Variants in PSD3 observed in about 807,000 individuals in gnomAD.
PSD3 encodes PH and SEC7 domain-containing protein 3.
A neutral mutation model predicts 105.5 loss-of-function variants in PSD3; 49 were observed. The observed-to-expected ratio is 0.46, with a 90% CI of 0.37 to 0.59. The LOEUF is 0.59. PSD3 is among the 20% of genes least tolerant of loss of function. The pLI, the probability that PSD3 is intolerant of heterozygous loss-of-function variation, is 0.00. For synonymous variants in PSD3, 557 were observed against 457.8 expected, an observed-to-expected ratio of 1.22 and a Z score of -2.77; for missense variants, 1,561 against 1,263.8, an observed-to-expected ratio of 1.24 and a Z score of -3.57.
At chr8:18,804,973 T>A in intron 4 of PSD3, 75 bp from the exon 5 acceptor site, 1 of 1,248,422 alleles carries the variant, frequency 8.0e-7, no homozygotes, top group South Asian at 1.5e-5. Context: ...GATGAAATAT[T>A]GATAGTTTTC....
At chr8:18,808,976 A>G (rs1811445133) in intron 4 of PSD3, 1 of 1,379,504 alleles carries the variant, frequency 7.2e-7, no homozygotes, top group East Asian at 2.7e-5. Flanking sequence ...ATGTTTCTGC[A>G]GTTCTAATAA....
chr8:18,703,140 T>C (rs988268050), intron 9 of PSD3, among the ~76,000 whole-genome samples: 44 of 152,250 alleles, frequency 2.9e-4, no homozygotes, highest in African/African-American at 1.1e-3. Flanking sequence ...AAAAAAGGAA[T>C]ACAAGAAAAA....
chr8:18,574,931 A>C lies in PSD3; in HGVS notation c.2639+197T>G, dbSNP rs140295396. 1.7e-3 allele frequency among the ~76,000 whole-genome samples: 261 copies of C among 151,988 alleles called. 1 individual carries two copies. The highest frequency in any genetic ancestry group is 5.9e-3 in the African/African-American group (243 of 41,320). On this transcript the variant is annotated intron_variant, in intron 13 of 15. Coordinates refer to ENST00000327040, the MANE Select transcript of PSD3 (RefSeq NM_015310.4). Reference sequence around the variant, plus strand: ...AAAAGTCAAAGGGCTACTTTGTAACAGGTAAAAATGTAAATCCTGGGTTTC... The same window carrying C: ...AAAAGTCAAAGGGCTACTTTGTAACCGGTAAAAATGTAAATCCTGGGTTTC...
chr8:18,556,601 G>A (rs998880106), intron 14 of PSD3, among the ~76,000 whole-genome samples: 2 of 152,010 alleles, frequency 1.3e-5, no homozygotes, highest in African/African-American at 2.4e-5. Context: ...AATGGCTTCC[G>A]AGCTCTTTAT....
At chr8:19,043,638 T>A (rs1034755957) in intron 1 of PSD3, among the ~76,000 whole-genome samples, 92 of 151,878 alleles carry the variant, frequency 6.1e-4, no homozygotes, top group Non-Finnish European at 2.9e-5. Context: ...GGAGATGGGG[T>A]TTTTAAGAGG....
chr8:19,062,832 C>T (rs75669180), intron 1 of PSD3, among the ~76,000 whole-genome samples: 15,392 of 152,142 alleles, frequency 0.1, 817 homozygotes, highest in African/African-American at 0.12. Context: ...TGATCACTCA[C>T]GTATGAAATA....
chr8:18,875,664 G>C (rs1278082587), intron 2 of PSD3, among the ~76,000 whole-genome samples: 1 of 152,004 alleles, frequency 6.6e-6, no homozygotes, highest in East Asian at 1.9e-4. Flanking sequence ...AGCCTCCCGA[G>C]GAGCTGGGAT....
chr8:18,775,171 T>C (rs1411736887), intron 8 of PSD3, among the ~76,000 whole-genome samples: 2 of 152,194 alleles, frequency 1.3e-5, no homozygotes, highest in African/African-American at 2.4e-5. Context: ...TCCATCCACA[T>C]TGCTACCAAT....
intron 1 of PSD3, among the ~76,000 whole-genome samples, chr8:19,074,584 G>GATATAGATAT (rs1554578613): frequency 1.0e-5 from 1 of 99,536 alleles, no homozygotes; most frequent in Non-Finnish European, 2.1e-5. Context: ...TTACAACTCA[G>GATATAGATAT]ATATATACAT....
In PSD3 at chr8:18,632,611, A is replaced by G; in HGVS notation, c.2410+2T>C. 1 of 1,606,760 alleles carries G rather than the reference A, an allele frequency of 6.2e-7. No homozygotes were observed. Among genetic ancestry groups the G allele is most frequent in the African/African-American group, 1.3e-5 (1 of 74,696 alleles). Reference sequence around the variant, plus strand: ...TAGAAAATGACAACGCATGATACTTACTCTTCTTTCCATCCATATCTGCAT... The same window carrying G: ...TAGAAAATGACAACGCATGATACTTGCTCTTCTTTCCATCCATATCTGCAT... On this transcript the variant is annotated splice_donor_variant, in intron 11 of 15. Transcript: ENST00000327040. LOFTEE classifies it high-confidence loss of function.
At chr8:18,902,581 T>C (rs1819575198) in intron 2 of PSD3, among the ~76,000 whole-genome samples, 1 of 152,188 alleles carries the variant, frequency 6.6e-6, no homozygotes, top group Non-Finnish European at 1.5e-5. Flanking sequence ...CTCCCTGTGT[T>C]GATGTCTGTG....
intron 8 of PSD3, among the ~76,000 whole-genome samples, chr8:18,778,922 A>C (rs377290816): frequency 6.6e-6 from 1 of 151,924 alleles, no homozygotes; most frequent in Non-Finnish European, 1.5e-5. Context: ...GTGTTTTCTT[A>C]TTGTATCCTT....
Position 19,072,398 on chromosome 8 carries a change from C to A in PSD3, c.324+11808G>T, listed in dbSNP as rs902731414. ...CACGGAGCCCGGATGGTTTTCTGAA[C>A]ATTTCTAAGCCTCAATAATACTCTT... On this transcript the variant is annotated intron_variant, in intron 1 of 1. Transcript: ENST00000521475. Among the ~76,000 whole-genome samples the A allele has an allele frequency of 1.2e-4, 18 of 152,172 alleles. No individual in the cohort carries two copies. In the South Asian group the frequency reaches 3.7e-3, roughly 31 times the overall value.
intron 9 of PSD3, among the ~76,000 whole-genome samples, chr8:18,682,822 G>C (rs1460582325): frequency 6.6e-6 from 1 of 151,994 alleles, no homozygotes; most frequent in Non-Finnish European, 1.5e-5. Flanking sequence ...TGGTGGGAGG[G>C]TGAAGAAAGC....
At chr8:18,869,063 G>A (rs1380058695) in intron 3 of PSD3, among the ~76,000 whole-genome samples, 1 of 152,060 alleles carries the variant, frequency 6.6e-6, no homozygotes, top group Non-Finnish European at 1.5e-5. Context: ...TTTAAATACT[G>A]AAGGTCACCC....
At chr8:18,615,304 TGA>T (rs1428365487) in intron 11 of PSD3, among the ~76,000 whole-genome samples, 1 of 152,106 alleles carries the variant, frequency 6.6e-6, no homozygotes, top group Non-Finnish European at 1.5e-5. Context: ...ACTCACCCAG[TGA>T]CTCTCTTTAA....
chr8:18,602,031 A>G (rs748205644), intron 11 of PSD3, among the ~76,000 whole-genome samples: 1 of 152,182 alleles, frequency 6.6e-6, no homozygotes, highest in Non-Finnish European at 1.5e-5. Context: ...TTCATTTTAA[A>G]ATGTGGGTAA....
chr8:18,922,761 G>A (rs1396800729), intron 2 of PSD3, among the ~76,000 whole-genome samples: 1 of 152,100 alleles, frequency 6.6e-6, no homozygotes, highest in Non-Finnish European at 1.5e-5. Context: ...CGATTAATCT[G>A]CTAAATCAGC....
chr8:19,025,114 A>T (rs2129476012), intron 1 of PSD3, among the ~76,000 whole-genome samples: 2 of 152,262 alleles, frequency 1.3e-5, no homozygotes, highest in East Asian at 3.9e-4. Flanking sequence ...GATGAGGGCC[A>T]AGTTGACTAA....
Sources: gnomAD v4.1 joint callset for allele counts (sites outside exome capture counted in the v4.1 genomes callset) on GRCh38, gnomAD v4.1.1 for gene constraint, MANE v1.5 for transcripts, NCBI Gene and HGNC (gene_info 2026-07-23, HGNC 2026-07-21) for gene names.